The following MCC variants were observed in gnomAD, a reference collection of about 807,000 sequenced individuals.
The protein encoded by MCC is colorectal mutant cancer protein.
In MCC, 90 loss-of-function variants were observed where a neutral mutation model predicts 116.2. That is an observed-to-expected ratio of 0.77 (90% confidence interval 0.65 to 0.92). MCC has a LOEUF of 0.92. Ranked by LOEUF, MCC falls within the 40% of genes least tolerant of loss-of-function variation. The pLI is 0.00. For synonymous variants in MCC, 578 were observed against 510.5 expected (o/e 1.13, Z -1.78); for missense variants, 1,516 against 1,312.2 (o/e 1.16, Z -2.40).
chr5:113,203,487 C>A lies in MCC; in HGVS notation c.628-52065G>T, dbSNP rs1379254976. On this transcript the variant is annotated intron_variant, in intron 3 of 18. Coordinates refer to ENST00000408903, the MANE Select transcript of MCC (RefSeq NM_001085377.2). ...ATAAGAGCTTTCAGCACGGCCCAGACCAGATTACTCTGTCTCACAACCACT... is the reference window on the plus strand; with the variant it reads ...ATAAGAGCTTTCAGCACGGCCCAGAACAGATTACTCTGTCTCACAACCACT... Among the ~76,000 whole-genome samples, 10 of 152,072 alleles carry A rather than the reference C, an allele frequency of 6.6e-5. No individual in the cohort carries two copies. In the South Asian group the frequency reaches 2.1e-3, roughly 32 times the overall value.
At chr5:113,418,274 A>G (rs1770213366) in intron 1 of MCC, among the ~76,000 whole-genome samples, 1 of 151,962 alleles carries the variant, frequency 6.6e-6, no homozygotes, top group African/African-American at 2.4e-5. Context: ...ATAATAAAAT[A>G]AAACAAAAAT....
chr5:113,373,760 T>A (rs1452400293), intron 2 of MCC, among the ~76,000 whole-genome samples: 1 of 152,242 alleles, frequency 6.6e-6, no homozygotes, highest in Non-Finnish European at 1.5e-5. Context: ...TCATGTAATA[T>A]CCTTAATTAT....
intron 1 of MCC, among the ~76,000 whole-genome samples, chr5:113,408,173 A>G (rs879719453): frequency 6.6e-6 from 1 of 152,158 alleles, no homozygotes; most frequent in Non-Finnish European, 1.5e-5. Context: ...CACTTTAATT[A>G]GTTGGTTTCT....
In MCC at chr5:113,053,820, T is replaced by C. The variant is rs750103467; in HGVS notation, c.2353A>G (p.Ile785Val). ...TTGACGTCATAGCTGAGAGGATCGA[T>C]GTGGATGCTTTCCAGCTCCAGCATG... ...LTMLELESIH[I>V]DPLSYDVKPR... The change falls in exon 15 of 19, where the codon ATC becomes GTC. Residue 785 changes from isoleucine (I) to valine (V), a missense_variant. Coordinates refer to ENST00000408903, the MANE Select transcript of MCC (RefSeq NM_001085377.2). 5.0e-6 allele frequency: 8 copies of C among 1,614,190 alleles called. No homozygotes were observed. The highest frequency in any genetic ancestry group is 2.2e-5 in the South Asian group (2 of 91,088).
chr5:113,308,024 G>T (rs1383839696), intron 3 of MCC, among the ~76,000 whole-genome samples: 1 of 150,990 alleles, frequency 6.6e-6, no homozygotes, highest in Admixed American at 6.6e-5. Flanking sequence ...CTAGGCTGGA[G>T]TGCAGTGGCA....
intron 1 of MCC, among the ~76,000 whole-genome samples, chr5:113,461,577 G>A (rs1041629543): frequency 1.3e-5 from 2 of 150,232 alleles, no homozygotes; most frequent in South Asian, 2.1e-4. Context: ...AGGCCGAGTT[G>A]GGAGGACTGC....
In MCC at chr5:113,023,207, A is replaced by G. The variant is rs552467825; in HGVS notation, c.*4095T>C. 3.9e-5 allele frequency: 6 copies of G among 152,368 alleles called. No individual in the cohort carries two copies. The South Asian group carries it at 1.0e-3, about 26-fold the overall frequency. 9.4% of individuals were successfully genotyped at this position (152,368 alleles called of 1,614,324 possible). A position where few individuals can be genotyped will look rare whatever the true frequency, so the allele number is the denominator to read the frequency against. On this transcript the variant is annotated 3_prime_UTR_variant, in exon 19 of 19. Coordinates refer to ENST00000408903, the MANE Select transcript of MCC (RefSeq NM_001085377.2). The stretch of plus-strand genomic sequence containing the variant: ...TCTGAAGGCCACAAGTTTGGAGCTT[A>G]CTTTAACCTGACCTACATGAACATA...
chr5:113,435,055 G>T, intron 1 of MCC: 2 of 571,524 alleles, frequency 3.5e-6, no homozygotes, highest in Non-Finnish European at 6.2e-6. Flanking sequence ...AGTGCCCTGG[G>T]GGAATGAGAC....
intron 11 of MCC, among the ~76,000 whole-genome samples, chr5:113,080,496 C>T (rs550665285): frequency 6.6e-6 from 1 of 152,278 alleles, no homozygotes; most frequent in South Asian, 2.1e-4. Context: ...AGTTCATGTC[C>T]TCTGTAGGGA....
chr5:113,118,855 T>G (rs1450137926), intron 6 of MCC, among the ~76,000 whole-genome samples: 1 of 152,234 alleles, frequency 6.6e-6, no homozygotes, highest in Non-Finnish European at 1.5e-5. Context: ...CTCCTTGTTG[T>G]GCCCAAGTGT....
chr5:113,082,721 G>C (rs759982608), intron 11 of MCC, 139 bp downstream of exon 11: 189 of 1,024,576 alleles, frequency 1.8e-4, no homozygotes, highest in Admixed American at 9.8e-5. Context: ...AAGGTGGTAG[G>C]AACTTCCATC....
intron 2 of MCC, among the ~76,000 whole-genome samples, chr5:113,380,424 CATTAT>C (rs1415221864): frequency 2.6e-5 from 4 of 152,220 alleles, no homozygotes; most frequent in African/African-American, 9.6e-5. Context: ...TCCACAATCA[CATTAT>C]AAGTTATTTA....
chr5:113,286,911 A>T (rs1398334794), intron 3 of MCC, among the ~76,000 whole-genome samples: 1 of 152,228 alleles, frequency 6.6e-6, no homozygotes, highest in Admixed American at 6.5e-5. Flanking sequence ...CTAGTCAACA[A>T]GAGAAAAAGG....
chr5:113,151,270 A>C, intron 4 of MCC, 39 bp downstream of exon 4: 1 of 1,302,178 alleles, frequency 7.7e-7, no homozygotes, highest in Non-Finnish European at 1.1e-6. Context: ...TTTAAAACAA[A>C]AAACAAAAGC....
chr5:113,028,212 G>C (rs181522352), intron 18 of MCC, among the ~76,000 whole-genome samples: 190 of 152,294 alleles, frequency 1.2e-3, no homozygotes, highest in African/African-American at 4.5e-3. Flanking sequence ...CTATAGAGCT[G>C]GATGATGCCA....
chr5:113,132,003 T>C (rs556497546), intron 5 of MCC, among the ~76,000 whole-genome samples: 39 of 152,304 alleles, frequency 2.6e-4, no homozygotes, highest in African/African-American at 7.9e-4. Flanking sequence ...TCTGTAGTCA[T>C]TCCTTGATTC....
chr5:113,170,184 A>C (rs1298771107), intron 3 of MCC, among the ~76,000 whole-genome samples: 1 of 152,204 alleles, frequency 6.6e-6, no homozygotes, highest in Non-Finnish European at 1.5e-5. Context: ...GTAGTGTCTT[A>C]ATCTAAATTT....
intron 3 of MCC, among the ~76,000 whole-genome samples, chr5:113,282,286 G>A (rs566114323): frequency 8.0e-4 from 122 of 152,288 alleles, no homozygotes; most frequent in Non-Finnish European, 1.4e-3. Flanking sequence ...GCTAGCTGGG[G>A]ATGTTTTAAT....
At position 113,025,147 on chromosome 5, in the gene MCC, T is replaced by G. The variant is rs1580861121; in HGVS notation, c.*2155A>C. 6.6e-6 allele frequency: 1 copy of G among 152,114 alleles called. No individual in the cohort carries two copies. The highest frequency in any genetic ancestry group is 1.9e-4 in the East Asian group (1 of 5,194). 9.4% of individuals were successfully genotyped at this position (152,114 alleles called of 1,614,324 possible). On this transcript the variant is annotated 3_prime_UTR_variant, in exon 19 of 19. Transcript: ENST00000408903. ...GTCAGTGAAAATGAAAACTGCCCATTTGATGCCTGCTTAATCACAAAAAAG... is the reference window on the plus strand; with the variant it reads ...GTCAGTGAAAATGAAAACTGCCCATGTGATGCCTGCTTAATCACAAAAAAG...
Sources: allele counts gnomAD v4.1 joint callset (sites outside exome capture counted in the v4.1 genomes callset), GRCh38; gene constraint gnomAD v4.1.1; transcripts MANE v1.5; gene names NCBI Gene and HGNC (gene_info 2026-07-23, HGNC 2026-07-21).